The following HYCC1 variants were observed in gnomAD, a reference collection of about 807,000 sequenced individuals.
HYCC1 encodes hyccin PI4KA lipid kinase complex subunit 1.
At chr7:22,918,485 A>G in the HYCC1 span, among the ~76,000 whole-genome samples, 1 of 151,678 alleles carries the variant, frequency 6.6e-6, no homozygotes, top group African/African-American at 2.4e-5. Flanking sequence ...ACCCCCAAAA[A>G]TTTTTGCCAC....
the HYCC1 span, among the ~76,000 whole-genome samples, chr7:22,957,105 A>G: frequency 2.0e-5 from 3 of 151,872 alleles, no homozygotes; most frequent in Admixed American, 1.3e-4. Context: ...TAAAAACACT[A>G]CAATGTGAGA....
chr7:22,976,337 C>A, the HYCC1 span: 4 of 1,492,840 alleles, frequency 2.7e-6, no homozygotes, highest in Non-Finnish European at 3.7e-6. Context: ...ATTAACAAAT[C>A]TTTAGAATTC....
chr7:22,940,909 G>C, the HYCC1 span: 1 of 151,334 alleles, frequency 6.6e-6, no homozygotes, highest in African/African-American at 2.4e-5. Flanking sequence ...TGAGTAGTTG[G>C]GACTACTACT....
At chr7:22,990,125 T>G in the HYCC1 span, among the ~76,000 whole-genome samples, 3 of 152,284 alleles carry the variant, frequency 2.0e-5, no homozygotes, top group African/African-American at 2.4e-5. Context: ...CTACATTAAC[T>G]TTGTAGTTTT....
At chr7:22,977,613 T>A in the HYCC1 span, among the ~76,000 whole-genome samples, 1 of 152,180 alleles carries the variant, frequency 6.6e-6, no homozygotes, top group African/African-American at 2.4e-5. Context: ...TCCTTCCACT[T>A]AAAAAACATA....
chr7:22,915,170 A>G, the HYCC1 span, among the ~76,000 whole-genome samples: 1 of 152,154 alleles, frequency 6.6e-6, no homozygotes, highest in Non-Finnish European at 1.5e-5. Context: ...CACTCCCAGC[A>G]TTGCAAAAAG....
chr7:22,912,583 G>A, the HYCC1 span, among the ~76,000 whole-genome samples: 3 of 152,182 alleles, frequency 2.0e-5, no homozygotes, highest in Non-Finnish European at 4.4e-5. Context: ...AGTTAGCAAG[G>A]AGAGGGAAGC....
At chr7:22,921,597 T>G in the HYCC1 span, among the ~76,000 whole-genome samples, 1 of 152,146 alleles carries the variant, frequency 6.6e-6, no homozygotes, top group East Asian at 1.9e-4. Context: ...ATTAAGTTAC[T>G]GTTGTCCCTT....
the HYCC1 span, among the ~76,000 whole-genome samples, chr7:23,011,902 C>G: frequency 3.3e-5 from 5 of 152,180 alleles, no homozygotes; most frequent in African/African-American, 1.2e-4. Flanking sequence ...CACCTACACT[C>G]AAGGCAAGTT....
At chr7:22,913,656 C>T in the HYCC1 span, among the ~76,000 whole-genome samples, 8 of 152,342 alleles carry the variant, frequency 5.3e-5, no homozygotes, top group African/African-American at 1.9e-4. Context: ...GAAAACAACT[C>T]CCTTTTACTG....
chr7:23,002,163 T>TATATATACAA, the HYCC1 span, among the ~76,000 whole-genome samples: 1 of 65,366 alleles, frequency 1.5e-5, no homozygotes, highest in Non-Finnish European at 3.0e-5. Context: ...TATATATATA[T>TATATATACAA]ATATATATAT....
At chr7:22,925,177 T>C in the HYCC1 span, among the ~76,000 whole-genome samples, 1 of 151,928 alleles carries the variant, frequency 6.6e-6, no homozygotes, top group Non-Finnish European at 1.5e-5. Flanking sequence ...CAAAAACCCA[T>C]CTGTACGTCA....
chr7:22,966,291 TTTTTTG>T, the HYCC1 span, among the ~76,000 whole-genome samples: 1 of 150,414 alleles, frequency 6.6e-6, no homozygotes, highest in African/African-American at 2.4e-5. Context: ...TGTTTGTTTG[TTTTTTG>T]TTTTTGTTTT....
At chr7:22,972,742 T>A in the HYCC1 span, among the ~76,000 whole-genome samples, 1 of 152,298 alleles carries the variant, frequency 6.6e-6, no homozygotes, top group East Asian at 1.9e-4. Context: ...TCAGATCTCT[T>A]CTTCAAGTTG....
At chr7:22,975,344 G>A in the HYCC1 span, among the ~76,000 whole-genome samples, 2 of 151,972 alleles carry the variant, frequency 1.3e-5, no homozygotes, top group Admixed American at 6.6e-5. Flanking sequence ...TAATATTCTG[G>A]TCATATTCAA....
chr7:23,012,586 G>T, the HYCC1 span, among the ~76,000 whole-genome samples: 2 of 152,150 alleles, frequency 1.3e-5, no homozygotes, highest in African/African-American at 4.8e-5. Flanking sequence ...GCCACTATTG[G>T]CCAAGCAGAT....
the HYCC1 span, among the ~76,000 whole-genome samples, chr7:22,978,740 T>C: frequency 6.6e-6 from 1 of 152,180 alleles, no homozygotes; most frequent in African/African-American, 2.4e-5. Context: ...ACAGGAATGA[T>C]TGGTACATAG....
the HYCC1 span, among the ~76,000 whole-genome samples, chr7:23,010,935 T>A: frequency 1.4e-4 from 21 of 152,326 alleles, no homozygotes; most frequent in Middle Eastern, 0.014. Context: ...TCTTTCTCAA[T>A]CTTCTGAAGC....
the HYCC1 span, among the ~76,000 whole-genome samples, chr7:22,930,904 TAC>T: frequency 6.6e-6 from 1 of 152,076 alleles, no homozygotes; most frequent in Admixed American, 6.6e-5. Flanking sequence ...TCTCAATACT[TAC>T]AGAGAAAACA....
Sources: gnomAD v4.1 joint callset for allele counts (sites outside exome capture counted in the v4.1 genomes callset) on GRCh38, gnomAD v4.1.1 for gene constraint, MANE v1.5 for transcripts, NCBI Gene and HGNC (gene_info 2026-07-23, HGNC 2026-07-21) for gene names.